Variants in GAB2 observed in about 807,000 individuals in gnomAD.
The protein encoded by GAB2 is GRB2-associated-binding protein 2.
A neutral mutation model predicts 65.5 loss-of-function variants in GAB2; 26 were observed. The ratio of observed to expected loss-of-function variants is 0.40; its 90% confidence interval spans 0.29 to 0.55. GAB2 has a LOEUF of 0.55. Ranked by LOEUF, GAB2 falls within the 20% of genes least tolerant of loss-of-function variation. The pLI is 0.53. For synonymous variants in GAB2, 321 were observed against 329.6 expected (o/e 0.97, Z 0.28); for missense variants, 884 against 875.8 (o/e 1.01, Z -0.12).
intron 1 of GAB2, among the ~76,000 whole-genome samples, chr11:78,377,773 T>C (rs1389017244): frequency 6.6e-6 from 1 of 152,160 alleles, no homozygotes; most frequent in Non-Finnish European, 1.5e-5. Flanking sequence ...ACTTACTACG[T>C]AGTTAAGTAC....
At chr11:78,325,790 A>G (rs1056481137) in intron 1 of GAB2, among the ~76,000 whole-genome samples, 6 of 152,382 alleles carry the variant, frequency 3.9e-5, no homozygotes, top group African/African-American at 1.4e-4. Flanking sequence ...AATACTTCAC[A>G]GGTAATTTCT....
chr11:78,253,004 CTT>C (rs984989129), intron 2 of GAB2, among the ~76,000 whole-genome samples: 5 of 106,954 alleles, frequency 4.7e-5, no homozygotes, highest in African/African-American at 1.3e-4. Flanking sequence ...AATATCTTTC[CTT>C]TTTTTTTTTT....
At chr11:78,315,273 A>G (rs1271412501) in intron 1 of GAB2, among the ~76,000 whole-genome samples, 1 of 152,200 alleles carries the variant, frequency 6.6e-6, no homozygotes, top group African/African-American at 2.4e-5. Context: ...CATTATTTCA[A>G]AATGGCTTTC....
intron 3 of GAB2, 48 bp from the exon 4 acceptor site, chr11:78,227,099 C>T (rs777372974): frequency 1.5e-5 from 19 of 1,277,168 alleles, no homozygotes; most frequent in South Asian, 2.4e-5. Flanking sequence ...CAATTACTAG[C>T]TGTGTGACCT....
intron 1 of GAB2, among the ~76,000 whole-genome samples, chr11:78,339,894 A>G (rs796651504): frequency 1.3e-5 from 2 of 152,326 alleles, no homozygotes; most frequent in African/African-American, 4.8e-5. Context: ...TCCAACCACA[A>G]AATTCTAAAT....
intron 1 of GAB2, among the ~76,000 whole-genome samples, chr11:78,364,950 A>G (rs1219163315): frequency 3.9e-5 from 6 of 152,168 alleles, no homozygotes; most frequent in Non-Finnish European, 1.5e-5. Context: ...TGGCAATGCT[A>G]TGCTTGAAAT....
chr11:78,297,121 G>A (rs1866852895), intron 1 of GAB2, among the ~76,000 whole-genome samples: 1 of 152,134 alleles, frequency 6.6e-6, no homozygotes, highest in Admixed American at 6.6e-5. Flanking sequence ...GTAAATTTCA[G>A]TGAGTACAGA....
At chr11:78,396,758 C>T (rs775775475) in intron 1 of GAB2, among the ~76,000 whole-genome samples, 1 of 152,108 alleles carries the variant, frequency 6.6e-6, no homozygotes, top group Non-Finnish European at 1.5e-5. Context: ...CCACTGTGCC[C>T]GACTAATCTT....
Position 78,408,742 on chromosome 11 carries a change from T to C in GAB2, c.75+8904A>G, listed in dbSNP as rs148431625. ...TTCCCCTTTGGTGCTGTTCTCATGATAGTGAGTGAGTTATTGTGAGATCTG... is the reference window on the plus strand; with the variant it reads ...TTCCCCTTTGGTGCTGTTCTCATGACAGTGAGTGAGTTATTGTGAGATCTG... On this transcript the variant is annotated intron_variant, in intron 1 of 9. Coordinates refer to ENST00000361507, the MANE Select transcript of GAB2 (RefSeq NM_080491.3). Among the ~76,000 whole-genome samples, 35 of 152,246 alleles carry C rather than the reference T, an allele frequency of 2.3e-4. No homozygotes were observed. In the East Asian group the frequency reaches 5.8e-3, roughly 25 times the overall value.
At chr11:78,230,658 A>G (rs911363422) in intron 3 of GAB2, among the ~76,000 whole-genome samples, 2 of 152,404 alleles carry the variant, frequency 1.3e-5, no homozygotes, top group Admixed American at 1.3e-4. Context: ...GATAGATAAT[A>G]GTGACACATG....
At chr11:78,363,707 C>T (rs970099443) in intron 1 of GAB2, among the ~76,000 whole-genome samples, 3 of 151,800 alleles carry the variant, frequency 2.0e-5, no homozygotes, top group Non-Finnish European at 2.9e-5. Flanking sequence ...ACTTCAGCCT[C>T]CCAAGTAGTT....
At chr11:78,414,509 T>C (rs1383720572) in intron 1 of GAB2, among the ~76,000 whole-genome samples, 1 of 152,144 alleles carries the variant, frequency 6.6e-6, no homozygotes, top group Non-Finnish European at 1.5e-5. Context: ...ATTAATAAAA[T>C]GTTTTTCCTC....
At chr11:78,412,756 A>T (rs948636759) in intron 1 of GAB2, among the ~76,000 whole-genome samples, 5 of 152,342 alleles carry the variant, frequency 3.3e-5, no homozygotes, top group Admixed American at 3.3e-4. Context: ...CCCAGGCTTT[A>T]GGACAAAGCT....
intron 1 of GAB2, among the ~76,000 whole-genome samples, chr11:78,294,351 T>C (rs1264448534): frequency 6.6e-6 from 1 of 152,204 alleles, no homozygotes; most frequent in East Asian, 1.9e-4. Context: ...GTCTTTACTA[T>C]TGTGAATAGT....
intron 1 of GAB2, among the ~76,000 whole-genome samples, chr11:78,287,279 T>G (rs953100222): frequency 1.3e-5 from 2 of 152,284 alleles, no homozygotes; most frequent in Middle Eastern, 3.4e-3. Flanking sequence ...TATACTTAGT[T>G]TTTTTTGGTT....
At chr11:78,244,209 T>C (rs1317671265) in intron 3 of GAB2, among the ~76,000 whole-genome samples, 2 of 151,970 alleles carry the variant, frequency 1.3e-5, no homozygotes, top group African/African-American at 4.8e-5. Context: ...CTGGCTAATG[T>C]GGTAAAATCC....
At chr11:78,234,905 G>A (rs1367049962) in intron 3 of GAB2, among the ~76,000 whole-genome samples, 2 of 151,920 alleles carry the variant, frequency 1.3e-5, no homozygotes, top group Non-Finnish European at 2.9e-5. Context: ...AGCTACTCAG[G>A]AGGCTGAGGC....
At chr11:78,371,751 A>G (rs1189637201) in intron 1 of GAB2, among the ~76,000 whole-genome samples, 1 of 152,218 alleles carries the variant, frequency 6.6e-6, no homozygotes, top group African/African-American at 2.4e-5. Flanking sequence ...TCATAAGACC[A>G]TTAGTAAAGT....
rs922875073 is a variant in GAB2, at chr11:78,218,552, G to C, written c.*720C>G. 3 of 153,060 alleles carry C rather than the reference G, an allele frequency of 2.0e-5. No homozygotes were observed. The highest frequency in any genetic ancestry group is 1.9e-4 in the East Asian group (1 of 5,206). The allele number at this position is 153,060 out of a possible 1,614,324, so 9.5% of individuals were successfully genotyped here. On this transcript the variant is annotated 3_prime_UTR_variant, in exon 10 of 10. Transcript: ENST00000361507. Reference sequence around the variant, plus strand: ...CCCTGCTCCTTGCTGCTCTAGGTTGGCCATCAGTTTTCCCTTCCTTTTGTC... The same window carrying C: ...CCCTGCTCCTTGCTGCTCTAGGTTGCCCATCAGTTTTCCCTTCCTTTTGTC...
Sources: allele counts gnomAD v4.1 joint callset (sites outside exome capture counted in the v4.1 genomes callset), GRCh38; gene constraint gnomAD v4.1.1; transcripts MANE v1.5; gene names NCBI Gene and HGNC (gene_info 2026-07-23, HGNC 2026-07-21).